LRCH3: variants seen among roughly 807,000 people sequenced by gnomAD.
LRCH3 encodes leucine rich repeats and calponin homology domain containing 3.
In LRCH3, 68 loss-of-function variants were observed where a neutral mutation model predicts 104.5. The observed-to-expected ratio is 0.65, with a 90% confidence interval of 0.54 to 0.80. The LOEUF (loss-of-function observed/expected upper bound fraction) is 0.80, where lower values mean the gene tolerates loss of function less well. Ranked by LOEUF, LRCH3 falls within the 30% of genes least tolerant of loss-of-function variation. LRCH3 has a pLI of 0.00. For missense variants in LRCH3, 951 were observed against 953.9 expected (o/e 1.00, Z 0.04); for synonymous variants, 344 against 361.3 (o/e 0.95, Z 0.54).
intron 17 of LRCH3, among the ~76,000 whole-genome samples, chr3:197,868,805 G>A (rs1490337328): frequency 1.3e-5 from 2 of 152,198 alleles, no homozygotes; most frequent in African/African-American, 2.4e-5. Flanking sequence ...TACAGTGTTA[G>A]AAGTCAGGGT....
Position 197,883,514 on chromosome 3 carries a change from G to A in LRCH3, c.2209-27G>A. 6.6e-7 allele frequency: 1 copy of A among 1,520,976 alleles called. No individual in the cohort carries two copies. The allele number at this position is 1,520,976 out of a possible 1,614,324, so 94.2% of individuals were successfully genotyped here. On this transcript the variant is annotated intron_variant, in intron 20 of 20. Coordinates refer to ENST00000425562, the MANE Select transcript of LRCH3 (RefSeq NM_001365715.1). This position sits in a 1 kb window ranked among gnomAD's most constrained non-coding sequence, Gnocchi z 4.2. The stretch of plus-strand genomic sequence containing the variant: ...ATTCATCCGATTTTCTTTTTTGTTT[G>A]TTTTCATGTTACGTTGTCCCTTTCA...
At position 197,885,859 on chromosome 3, in the gene LRCH3, G is replaced by A. The variant is rs1360403857; in HGVS notation, c.*2193G>A. The A allele has an allele frequency of 1.3e-5, 2 of 152,204 alleles. No individual in the cohort carries two copies. Among genetic ancestry groups the A allele is most frequent in the Non-Finnish European group, 1.5e-5 (1 of 68,044 alleles). 9.4% of individuals were successfully genotyped at this position (152,204 alleles called of 1,614,324 possible). ...TCTTTTGTTTCTGTAGTTGTTAACTGTTCTGGATTTTCTTTACAATGCATC... is the reference window on the plus strand; with the variant it reads ...TCTTTTGTTTCTGTAGTTGTTAACTATTCTGGATTTTCTTTACAATGCATC... On this transcript the variant is annotated 3_prime_UTR_variant, in exon 21 of 21. Coordinates refer to ENST00000425562, the MANE Select transcript of LRCH3 (RefSeq NM_001365715.1).
chr3:197,814,823 T>A, intron 1 of LRCH3, 85 bp from the exon 2 acceptor site: 1 of 1,181,706 alleles, frequency 8.5e-7, no homozygotes, highest in Non-Finnish European at 1.2e-6. Context: ...ATAGTTTTAT[T>A]TTTTAGTTTA....
At chr3:197,823,592 C>T (rs969160913) in intron 4 of LRCH3, 4 of 152,202 alleles carry the variant, frequency 2.6e-5, no homozygotes, top group East Asian at 3.9e-4. Context: ...GGGCTGAAGC[C>T]ATCCTCCCAT....
intron 14 of LRCH3, among the ~76,000 whole-genome samples, chr3:197,858,493 G>A (rs779072160): frequency 1.3e-5 from 2 of 151,898 alleles, no homozygotes; most frequent in African/African-American, 2.4e-5. Context: ...ACCCCTCATC[G>A]TAGGAACAGG....
chr3:197,864,382 C>T lies in LRCH3; in HGVS notation c.1717-1041C>T, dbSNP rs574215854. On this transcript the variant is annotated intron_variant, in intron 15 of 20. Transcript: ENST00000425562. ...CAGCACTTTGGGAGGCCGAGGCAGG[C>T]GAATCACCTGAGGTTGGGAGTTCGA... Among the ~76,000 whole-genome samples, 14 of 148,484 alleles carry T rather than the reference C, an allele frequency of 9.4e-5. No individual in the cohort carries two copies. The East Asian group carries it at 2.0e-3, about 21-fold the overall frequency.
intron 1 of LRCH3, among the ~76,000 whole-genome samples, chr3:197,807,310 G>A (rs1028114180): frequency 9.9e-5 from 15 of 150,794 alleles, no homozygotes; most frequent in South Asian, 4.2e-4. Flanking sequence ...TCCGCCTCTC[G>A]GGTTCACACC....
intron 5 of LRCH3, among the ~76,000 whole-genome samples, chr3:197,828,545 C>T (rs566239456): frequency 1.2e-4 from 18 of 151,240 alleles, no homozygotes; most frequent in Admixed American, 8.6e-4. Context: ...CGGGGTTTCA[C>T]CGTGTTAGCC....
At chr3:197,835,644 T>G (rs1259395978) in intron 8 of LRCH3, 30 bp from the exon 9 acceptor site, 3 of 1,574,016 alleles carry the variant, frequency 1.9e-6, no homozygotes, top group South Asian at 1.2e-5. Flanking sequence ...GGTGTGTGTG[T>G]GTGTGTGGGT....
intron 12 of LRCH3, among the ~76,000 whole-genome samples, chr3:197,849,866 A>T (rs1053381744): frequency 1.3e-5 from 2 of 152,236 alleles, no homozygotes; most frequent in Admixed American, 1.3e-4. Flanking sequence ...AGCCCTGCCC[A>T]CCAGGCACAG....
chr3:197,800,077 T>C (rs1459510913), intron 1 of LRCH3, among the ~76,000 whole-genome samples: 5 of 151,796 alleles, frequency 3.3e-5, no homozygotes, highest in Middle Eastern at 3.4e-3. Context: ...TAATCCCAGC[T>C]ACTCGGGAGG....
intron 1 of LRCH3, among the ~76,000 whole-genome samples, chr3:197,804,039 C>G (rs796920876): frequency 7.2e-5 from 11 of 152,248 alleles, no homozygotes; most frequent in African/African-American, 2.4e-4. Context: ...AGGTGGATCA[C>G]TTGAGGTCAG....
chr3:197,795,378 C>T (rs1390493070), intron 1 of LRCH3, among the ~76,000 whole-genome samples: 2 of 152,092 alleles, frequency 1.3e-5, no homozygotes, highest in Non-Finnish European at 2.9e-5. Context: ...GTATATAGTC[C>T]ATTGCTCTGG....
intron 14 of LRCH3, among the ~76,000 whole-genome samples, chr3:197,857,365 C>T (rs779636650): frequency 2.1e-4 from 32 of 150,298 alleles, no homozygotes; most frequent in Non-Finnish European, 3.5e-4. Flanking sequence ...ACATTGTCTT[C>T]GGGCTACCCC....
chr3:197,797,085 T>C (rs1174751331), intron 1 of LRCH3, among the ~76,000 whole-genome samples: 1 of 151,662 alleles, frequency 6.6e-6, no homozygotes, highest in South Asian at 2.1e-4. Context: ...CGCAGCACTT[T>C]GGGGGGCCGA....
intron 9 of LRCH3, among the ~76,000 whole-genome samples, chr3:197,838,318 G>GTTGTAGAA (rs1408140656): frequency 3.3e-5 from 5 of 152,210 alleles, no homozygotes; most frequent in African/African-American, 1.2e-4. Flanking sequence ...TTGCATCAGA[G>GTTGTAGAA]TTGTAGAATT....
chr3:197,792,979 G>A (rs150767212), intron 1 of LRCH3, among the ~76,000 whole-genome samples: 5,764 of 152,110 alleles, frequency 0.038, 387 homozygotes, highest in African/African-American at 0.13. Flanking sequence ...TGTAGAGACG[G>A]GGTTTTGCTA....
intron 1 of LRCH3, among the ~76,000 whole-genome samples, chr3:197,794,193 T>C (rs1460302058): frequency 6.6e-6 from 1 of 152,190 alleles, no homozygotes; most frequent in Non-Finnish European, 1.5e-5. Context: ...CACCACTATG[T>C]AGTATCAGTG....
chr3:197,827,748 AT>A (rs1735395119), intron 5 of LRCH3, among the ~76,000 whole-genome samples: 1 of 151,796 alleles, frequency 6.6e-6, no homozygotes, highest in East Asian at 1.9e-4. Flanking sequence ...TAATTTCTTT[AT>A]TTTTTTCTAG....
Sources: gnomAD v4.1 joint callset for allele counts (sites outside exome capture counted in the v4.1 genomes callset) on GRCh38, gnomAD v4.1.1 for gene constraint, Gnocchi (gnomAD v3.1) non-coding constraint, MANE v1.5 for transcripts, NCBI Gene and HGNC (gene_info 2026-07-23, HGNC 2026-07-21) for gene names.